KCNJ6: variants seen among roughly 807,000 people sequenced by gnomAD.
KCNJ6 encodes G protein-activated inward rectifier potassium channel 2.
Under a neutral mutation model 34.2 loss-of-function variants are expected in KCNJ6, and 9 were observed. The observed-to-expected ratio is 0.26, with a 90% CI of 0.16 to 0.46. The LOEUF (loss-of-function observed/expected upper bound fraction) is 0.46, where lower values mean the gene tolerates loss of function less well. Among genes scored for constraint, KCNJ6 ranks in the 20% least tolerant of loss-of-function variants. The probability of loss-of-function intolerance (pLI) is 1.00; values close to 1 mark genes in which losing one functional copy is unlikely to be tolerated. For synonymous variants in KCNJ6, 196 were observed against 207.1 expected, an observed-to-expected ratio of 0.95 and a Z score of 0.46; for missense variants, 236 against 531.3, an observed-to-expected ratio of 0.44 and a Z score of 5.46.
intron 3 of KCNJ6, among the ~76,000 whole-genome samples, chr21:37,651,575 C>T (rs115013848): frequency 1.8e-3 from 280 of 152,078 alleles, no homozygotes; most frequent in African/African-American, 6.5e-3. Context: ...CAAGACAGAG[C>T]GGGGAAGGGA....
chr21:37,805,740 A>G (rs898189227), intron 2 of KCNJ6, among the ~76,000 whole-genome samples: 1 of 152,228 alleles, frequency 6.6e-6, no homozygotes, highest in African/African-American at 2.4e-5. Context: ...GACACAGAGA[A>G]AGGCACAGAG....
In KCNJ6 at chr21:37,771,091, C is replaced by T. The variant is rs541258833; in HGVS notation, c.26-55960G>A. Among the ~76,000 whole-genome samples, 8 of 152,180 alleles carry T rather than the reference C, an allele frequency of 5.3e-5. No individual in the cohort carries two copies. The East Asian group carries it at 5.8e-4, about 11-fold the overall frequency. The stretch of plus-strand genomic sequence containing the variant: ...TGACATGGCTATTGTCTTTATTTGG[C>T]GAGTAAGTGTGTTTTAAGGAGATAG... On this transcript the variant is annotated intron_variant, in intron 2 of 3. Transcript: ENST00000609713.
intron 2 of KCNJ6, among the ~76,000 whole-genome samples, chr21:37,767,354 T>C (rs2055096123): frequency 6.6e-6 from 1 of 152,044 alleles, no homozygotes; most frequent in Non-Finnish European, 1.5e-5. Flanking sequence ...GGTAGAAGGG[T>C]CAAAAGGACA....
At chr21:37,706,376 G>A (rs1434157693) in intron 3 of KCNJ6, among the ~76,000 whole-genome samples, 3 of 152,200 alleles carry the variant, frequency 2.0e-5, no homozygotes, top group Non-Finnish European at 4.4e-5. Flanking sequence ...CGAAGCTCCT[G>A]TGAAAAAATT....
chr21:37,676,937 C>T (rs1339649668), intron 3 of KCNJ6, among the ~76,000 whole-genome samples: 1 of 152,200 alleles, frequency 6.6e-6, no homozygotes, highest in Admixed American at 6.5e-5. Context: ...GTCCCCTTCC[C>T]CACCTCCACC....
chr21:37,887,447 G>C (rs534973162), intron 1 of KCNJ6, among the ~76,000 whole-genome samples: 1 of 152,270 alleles, frequency 6.6e-6, no homozygotes, highest in African/African-American at 2.4e-5. Flanking sequence ...GCCAGTTACT[G>C]TTCCAGGTAC....
At chr21:37,655,219 GT>G (rs1569438939) in intron 3 of KCNJ6, among the ~76,000 whole-genome samples, 4,452 of 91,538 alleles carry the variant, frequency 0.049, 303 homozygotes, top group African/African-American at 0.11. Flanking sequence ...GTGTGTGTGT[GT>G]GTGTGAGAGA....
chr21:37,712,660 C>T (rs4990452), intron 3 of KCNJ6, among the ~76,000 whole-genome samples: 665 of 28,790 alleles, frequency 0.023, 3 homozygotes, highest in East Asian at 0.096. Flanking sequence ...TCCTCTCCTT[C>T]CTCCCTTTCT....
chr21:37,912,509 T>C (rs1212038112), intron 1 of KCNJ6, among the ~76,000 whole-genome samples: 2 of 152,260 alleles, frequency 1.3e-5, no homozygotes, highest in Admixed American at 1.3e-4. Flanking sequence ...TATATTCTCG[T>C]ATAGCTTCAT....
chr21:37,793,482 G>A (rs1464620291), intron 2 of KCNJ6, among the ~76,000 whole-genome samples: 1 of 144,962 alleles, frequency 6.9e-6, no homozygotes, highest in Non-Finnish European at 1.5e-5. Flanking sequence ...AAGAGTGAGA[G>A]CTATTGTGAA....
At chr21:37,782,395 T>C (rs1416985616) in intron 2 of KCNJ6, among the ~76,000 whole-genome samples, 3 of 152,140 alleles carry the variant, frequency 2.0e-5, no homozygotes, top group Non-Finnish European at 4.4e-5. Context: ...ACACATAATA[T>C]ATAAACACAT....
intron 1 of KCNJ6, among the ~76,000 whole-genome samples, chr21:37,897,558 G>A (rs570446519): frequency 5.9e-5 from 9 of 152,274 alleles, no homozygotes; most frequent in East Asian, 3.9e-4. Context: ...GGTGCTCTCC[G>A]TGCCCTGTGG....
At position 37,617,951 on chromosome 21, in the gene KCNJ6, G is replaced by A. The variant is rs2054278484; in HGVS notation, c.*7208C>T. The A allele has an allele frequency of 6.6e-6, 1 of 152,272 alleles. No homozygotes were observed. Among genetic ancestry groups the A allele is most frequent in the African/African-American group, 2.4e-5 (1 of 41,452 alleles). 9.4% of individuals were successfully genotyped at this position (152,272 alleles called of 1,614,324 possible). A position where few individuals can be genotyped will look rare whatever the true frequency, so the allele number is the denominator to read the frequency against. ...TTGAAAGATACAGGGTCCCCCGGAA[G>A]ATACTTCTAGGGGGTCATTGTCCAG... On this transcript the variant is annotated 3_prime_UTR_variant, in exon 4 of 4. Coordinates refer to ENST00000609713, the MANE Select transcript of KCNJ6 (RefSeq NM_002240.5).
chr21:37,859,463 T>C lies in KCNJ6; in HGVS notation c.-27-18754A>G, dbSNP rs1419224694. Among the ~76,000 whole-genome samples the C allele has an allele frequency of 4.6e-5, 6 of 130,376 alleles. No homozygotes were observed. The East Asian group carries it at 6.7e-4, about 14-fold the overall frequency. 85.5% of individuals were successfully genotyped at this position (130,376 alleles called of 152,430 possible). On this transcript the variant is annotated intron_variant, in intron 1 of 3. Coordinates refer to ENST00000609713, the MANE Select transcript of KCNJ6 (RefSeq NM_002240.5). Reference sequence around the variant, plus strand: ...AGGAAGGGTTTTTCATTGTCCACAATTTTAACTATGGGCTTATATTACTTT... The same window carrying C: ...AGGAAGGGTTTTTCATTGTCCACAACTTTAACTATGGGCTTATATTACTTT...
Position 37,817,647 on chromosome 21 carries a change from C to G in KCNJ6, c.25+23011G>C, listed in dbSNP as rs1003249885. Among the ~76,000 whole-genome samples, 9 of 152,160 alleles carry G rather than the reference C, an allele frequency of 5.9e-5. No individual in the cohort carries two copies. In the East Asian group the frequency reaches 1.7e-3, roughly 29 times the overall value. On this transcript the variant is annotated intron_variant, in intron 2 of 3. Coordinates refer to ENST00000609713, the MANE Select transcript of KCNJ6 (RefSeq NM_002240.5). ...AGGTTCACCTTAGCCTGTGCATGAC[C>G]CTTTGCAAGTCAGCTGACAACAGCA...
At chr21:37,815,221 T>C (rs1363436002) in intron 2 of KCNJ6, among the ~76,000 whole-genome samples, 2 of 152,178 alleles carry the variant, frequency 1.3e-5, no homozygotes, top group Non-Finnish European at 2.9e-5. Flanking sequence ...AGGGTGACTA[T>C]AGTCAATAAT....
intron 2 of KCNJ6, among the ~76,000 whole-genome samples, chr21:37,736,875 A>G (rs1234415215): frequency 2.8e-5 from 4 of 144,198 alleles, no homozygotes; most frequent in Non-Finnish European, 6.1e-5. Context: ...TTTCACGGTC[A>G]CCCTCCTGGA....
intron 1 of KCNJ6, among the ~76,000 whole-genome samples, chr21:37,846,952 C>T (rs2055511925): frequency 6.6e-6 from 1 of 152,068 alleles, no homozygotes; most frequent in Non-Finnish European, 1.5e-5. Flanking sequence ...ATGGAAAATG[C>T]CACATCCTCA....
At chr21:37,719,800 C>T (rs1332639985) in intron 2 of KCNJ6, among the ~76,000 whole-genome samples, 1 of 152,144 alleles carries the variant, frequency 6.6e-6, no homozygotes, top group Non-Finnish European at 1.5e-5. Context: ...CACAGCTGGG[C>T]GGAGCCTTGT....
Sources: gnomAD v4.1 joint callset for allele counts (sites outside exome capture counted in the v4.1 genomes callset) on GRCh38, gnomAD v4.1.1 for gene constraint, MANE v1.5 for transcripts, NCBI Gene and HGNC (gene_info 2026-07-23, HGNC 2026-07-21) for gene names.